Variants in ZFHX3 observed in about 807,000 individuals in gnomAD.
The protein encoded by ZFHX3 is zinc finger homeobox 3, also known as zinc finger homeobox protein 3.
In ZFHX3, 42 loss-of-function variants were observed where a neutral mutation model predicts 279.1. That is an observed-to-expected ratio of 0.15 (90% confidence interval 0.12 to 0.19). The LOEUF (loss-of-function observed/expected upper bound fraction) is 0.19, where lower values mean the gene tolerates loss of function less well. ZFHX3 is among the 10% of genes least tolerant of loss of function. ZFHX3 has a pLI of 1.00. For synonymous variants in ZFHX3, 2,293 were observed against 1,957.8 expected (o/e 1.17, Z -4.52); for missense variants, 4,981 against 4,754.0 (o/e 1.05, Z -1.40).
At chr16:72,846,466 G>A (rs575983460) in intron 4 of ZFHX3, among the ~76,000 whole-genome samples, 4 of 74 alleles carry the variant, frequency 0.054, no homozygotes, top group South Asian at 0.5. Flanking sequence ...GCTACCCACT[G>A]CAGGCCACGG....
intron 3 of ZFHX3, among the ~76,000 whole-genome samples, chr16:72,900,880 C>A (rs2039018166): frequency 6.6e-6 from 1 of 152,236 alleles, no homozygotes; most frequent in African/African-American, 2.4e-5. Flanking sequence ...GTCGGAATAC[C>A]TGGAGATGTT....
intron 1 of ZFHX3, among the ~76,000 whole-genome samples, chr16:73,055,608 T>C (rs557146061): frequency 1.4e-4 from 21 of 151,768 alleles, no homozygotes; most frequent in African/African-American, 5.1e-4. Context: ...CCATATTTAA[T>C]AGGGGTGGGG....
chr16:73,498,871 G>A (rs1444554739), intron 2 of ZFHX3, among the ~76,000 whole-genome samples: 3 of 152,164 alleles, frequency 2.0e-5, no homozygotes, highest in Non-Finnish European at 4.4e-5. Flanking sequence ...CAATAGCTGG[G>A]CGGGGCAGGG....
intron 2 of ZFHX3, among the ~76,000 whole-genome samples, chr16:73,514,224 G>A (rs1456574643): frequency 6.6e-6 from 1 of 151,938 alleles, no homozygotes; most frequent in Admixed American, 6.6e-5. Flanking sequence ...CCCCAGCCTG[G>A]GTGACAGAGC....
rs2015443621 is a variant in ZFHX3 at position 73,316,181 on chromosome 16, A to G, written c.-1194+2059T>C. On this transcript the variant is annotated intron_variant, in intron 4 of 17. Transcript: ENST00000641206. Reference sequence around the variant, plus strand: ...TGTTCTAGCAAAGACAGCAGGAGAAAAATCCCCATTGCATATCTCTATCTT... The same window carrying G: ...TGTTCTAGCAAAGACAGCAGGAGAAGAATCCCCATTGCATATCTCTATCTT... Among the ~76,000 whole-genome samples, 4 of 152,348 alleles carry G rather than the reference A, an allele frequency of 2.6e-5. No homozygotes were observed. In the South Asian group the frequency reaches 8.3e-4, roughly 32 times the overall value.
chr16:72,900,803 T>C (rs887858732), intron 3 of ZFHX3, among the ~76,000 whole-genome samples: 6 of 152,176 alleles, frequency 3.9e-5, no homozygotes, highest in Admixed American at 2.0e-4. Context: ...ATGACGCCGA[T>C]CTGGGACCAC....
At chr16:73,689,817 G>GT (rs1302264428) in intron 1 of ZFHX3, among the ~76,000 whole-genome samples, 5,179 of 140,576 alleles carry the variant, frequency 0.037, 110 homozygotes, top group African/African-American at 0.04. Flanking sequence ...TTTGTTTTTT[G>GT]TTTTTTTTGT....
At chr16:73,150,801 T>C (rs1966922841) in intron 5 of ZFHX3, among the ~76,000 whole-genome samples, 1 of 152,202 alleles carries the variant, frequency 6.6e-6, no homozygotes, top group African/African-American at 2.4e-5. Flanking sequence ...CAAAGAATCT[T>C]GTACATTTTA....
intron 1 of ZFHX3, among the ~76,000 whole-genome samples, chr16:73,786,249 A>C (rs1959641876): frequency 6.6e-6 from 1 of 151,534 alleles, no homozygotes; most frequent in Non-Finnish European, 1.5e-5. Flanking sequence ...TGAATACTTT[A>C]ATTTTGTTTA....
intron 3 of ZFHX3, among the ~76,000 whole-genome samples, chr16:72,916,194 C>T (rs566074471): frequency 2.0e-4 from 31 of 152,294 alleles, no homozygotes; most frequent in Admixed American, 1.9e-3. Context: ...CTCCGCCTTT[C>T]TTTTTCTCAA....
At chr16:73,332,356 A>C (rs1219716669) in intron 3 of ZFHX3, among the ~76,000 whole-genome samples, 2 of 152,346 alleles carry the variant, frequency 1.3e-5, no homozygotes, top group East Asian at 3.9e-4. Flanking sequence ...TAAATCATTT[A>C]CATGACAGTG....
chr16:73,763,634 C>T (rs4888739), intron 1 of ZFHX3, among the ~76,000 whole-genome samples: 3,172 of 152,164 alleles, frequency 0.021, 204 homozygotes, highest in East Asian at 0.21. Flanking sequence ...CATATAACTC[C>T]CTCCTTTTGA....
intron 6 of ZFHX3, among the ~76,000 whole-genome samples, chr16:73,141,132 C>T (rs372312494): frequency 2.6e-5 from 4 of 152,316 alleles, no homozygotes; most frequent in African/African-American, 9.6e-5. Flanking sequence ...AATACCACGC[C>T]TATGACCTAA....
chr16:73,296,864 A>T (rs16971683), intron 4 of ZFHX3, among the ~76,000 whole-genome samples: 4,600 of 141,622 alleles, frequency 0.032, 272 homozygotes, highest in African/African-American at 0.12. Context: ...TATAATTGCC[A>T]TGTGAAGCAG....
chr16:73,686,298 A>G (rs2053083271), intron 1 of ZFHX3, among the ~76,000 whole-genome samples: 2 of 151,904 alleles, frequency 1.3e-5, no homozygotes, highest in Non-Finnish European at 2.9e-5. Flanking sequence ...GTTTCACCAT[A>G]TTGTTCAGGC....
intron 5 of ZFHX3, among the ~76,000 whole-genome samples, chr16:73,208,283 T>C (rs565821151): frequency 2.0e-5 from 3 of 152,258 alleles, no homozygotes; most frequent in Non-Finnish European, 4.4e-5. Context: ...AAGAAACTGA[T>C]GTTTGTGACA....
intron 2 of ZFHX3, among the ~76,000 whole-genome samples, chr16:73,583,610 A>T (rs1301347047): frequency 6.6e-6 from 1 of 152,244 alleles, no homozygotes; most frequent in Non-Finnish European, 1.5e-5. Context: ...TGGGTAGAAA[A>T]TAAGTTCTAC....
intron 1 of ZFHX3, among the ~76,000 whole-genome samples, chr16:73,012,754 C>A (rs899602877): frequency 2.0e-5 from 3 of 152,198 alleles, no homozygotes; most frequent in Non-Finnish European, 4.4e-5. Context: ...AGATACCCAA[C>A]AACCTATACT....
At chr16:72,902,823 A>T (rs2039074158) in intron 3 of ZFHX3, among the ~76,000 whole-genome samples, 1 of 152,174 alleles carries the variant, frequency 6.6e-6, no homozygotes, top group South Asian at 2.1e-4. Context: ...AGCACCAAAC[A>T]GCCAGAGAGA....
Sources: gnomAD v4.1 joint callset for allele counts (sites outside exome capture counted in the v4.1 genomes callset) on GRCh38, gnomAD v4.1.1 for gene constraint, MANE v1.5 for transcripts, NCBI Gene and HGNC (gene_info 2026-07-23, HGNC 2026-07-21) for gene names.